NCOA4: variants seen among roughly 807,000 people sequenced by gnomAD.
The protein encoded by NCOA4 is 70 kDa AR-activator.
Under a neutral mutation model 69.5 loss-of-function variants are expected in NCOA4, and 31 were observed. The observed-to-expected ratio is 0.45, with a 90% CI of 0.34 to 0.60. The LOEUF (loss-of-function observed/expected upper bound fraction) is 0.60, where lower values mean the gene tolerates loss of function less well. NCOA4 is among the 20% of genes least tolerant of loss of function. The pLI is 0.02. For missense variants in NCOA4, 600 were observed against 719.2 expected, an observed-to-expected ratio of 0.83 and a Z score of 1.90; for synonymous variants, 228 against 252.4, an observed-to-expected ratio of 0.90 and a Z score of 0.92.
At chr10:46,026,446 C>T (rs1036417553) in intron 1 of NCOA4, among the ~76,000 whole-genome samples, 3 of 152,174 alleles carry the variant, frequency 2.0e-5, no homozygotes, top group Admixed American at 6.5e-5. Flanking sequence ...GAAATTCTAA[C>T]TGAATTTCAA....
At chr10:46,012,093 A>AAAAAAAAAAC (rs1839262027) in intron 7 of NCOA4, among the ~76,000 whole-genome samples, 1 of 148,804 alleles carries the variant, frequency 6.7e-6, no homozygotes, top group Admixed American at 6.7e-5. Context: ...AAAAAAAAAA[A>AAAAAAAAAAC]AAAAAAAAAA....
In NCOA4 at chr10:46,005,322, T is replaced by TA. The variant is rs1287257198; in HGVS notation, c.*1269dup. ...CCTAAATGATATCTGGGGAGGGAATTAAAAAATAATACAAAGCTCTTTTCA... is the reference window on the plus strand; with the variant it reads ...CCTAAATGATATCTGGGGAGGGAATTAAAAAAATAATACAAAGCTCTTTTCA... On this transcript the variant is annotated 3_prime_UTR_variant, in exon 10 of 10. Coordinates refer to ENST00000581486, the MANE Select transcript of NCOA4 (RefSeq NM_001145263.2). 7 of 213,776 alleles carry TA rather than the reference T, an allele frequency of 3.3e-5. No homozygotes were observed. The highest frequency in any genetic ancestry group is 6.6e-5 in the Non-Finnish European group (7 of 105,610). 13.2% of individuals were successfully genotyped at this position (213,776 alleles called of 1,614,324 possible). A position where few individuals can be genotyped will look rare whatever the true frequency, so the allele number is the denominator to read the frequency against.
intron 6 of NCOA4, 79 bp from the exon 7 acceptor site, chr10:46,013,105 G>T: frequency 7.1e-7 from 1 of 1,414,508 alleles, no homozygotes. Context: ...TCTAATCTTG[G>T]CTTGCCACTG....
intron 7 of NCOA4, among the ~76,000 whole-genome samples, chr10:46,012,085 A>AAAAAAAAAAAAAAAAAAC (rs1839257294): frequency 2.2e-5 from 3 of 137,482 alleles, no homozygotes; most frequent in Non-Finnish European, 4.5e-5. Flanking sequence ...AAAAAAAAAA[A>AAAAAAAAAAAAAAAAAAC]AAAAAAAAAA....
At position 46,006,112 on chromosome 10, in the gene NCOA4, T is replaced by C. The variant is rs1838794841; in HGVS notation, c.*480A>G. On this transcript the variant is annotated 3_prime_UTR_variant, in exon 10 of 10. Transcript: ENST00000581486. ...TAATTTTTTTGTGCAAAATACACTA[T>C]GTATTAATAGAACAGGAAAATAATT... 4.6e-6 allele frequency: 1 copy of C among 219,328 alleles called. No homozygotes were observed. Among genetic ancestry groups the C allele is most frequent in the African/African-American group, 2.2e-5 (1 of 44,540 alleles). The allele number at this position is 219,328 out of a possible 1,614,324, so 13.6% of individuals were successfully genotyped here.
Position 46,013,028 on chromosome 10 carries a change from T to G in NCOA4, c.571-2A>C, listed in dbSNP as rs1227756736. The stretch of plus-strand genomic sequence containing the variant: ...AGCTACAATACCGGATGCTGACTTC[T>G]GTTAATCACAAAACAAGGAATGTCA... On this transcript the variant is annotated splice_acceptor_variant, in intron 6 of 9. Transcript: ENST00000581486. LOFTEE classifies it high-confidence loss of function. The G allele has an allele frequency of 6.2e-7, 1 of 1,613,828 alleles. No individual in the cohort carries two copies. Among genetic ancestry groups the G allele is most frequent in the Admixed American group, 1.7e-5 (1 of 60,010 alleles).
intron 1 of NCOA4, chr10:46,027,674 G>A: frequency 3.4e-6 from 2 of 596,642 alleles, no homozygotes; most frequent in South Asian, 2.1e-5. Flanking sequence ...ATACTGGTTG[G>A]GTGGTCTGTT....
chr10:46,007,005 G>A (rs1838866637), intron 9 of NCOA4, among the ~76,000 whole-genome samples: 1 of 152,204 alleles, frequency 6.6e-6, no homozygotes. Flanking sequence ...GGCCACGAGA[G>A]GCTGAAAGCT....
chr10:46,005,245 T>A lies in NCOA4; in HGVS notation c.*1347A>T, dbSNP rs1554919211. The A allele has an allele frequency of 4.7e-6, 1 of 213,248 alleles. No homozygotes were observed. Among genetic ancestry groups the A allele is most frequent in the East Asian group, 7.0e-5 (1 of 14,298 alleles). 13.2% of individuals were successfully genotyped at this position (213,248 alleles called of 1,614,324 possible). On this transcript the variant is annotated 3_prime_UTR_variant, in exon 10 of 10. Transcript: ENST00000581486. ...GAAACTACAGAGCTGCAACTCAAGA[T>A]AACTGGAAAGGCTCCTTACATTGTT...
At chr10:46,011,304 G>A (rs1414688305) in intron 7 of NCOA4, 98 bp from the exon 8 acceptor site, 7 of 1,271,234 alleles carry the variant, frequency 5.5e-6, no homozygotes, top group Non-Finnish European at 7.6e-6. Flanking sequence ...GTCTCACTCT[G>A]TCGCCCAGGC....
intron 9 of NCOA4, among the ~76,000 whole-genome samples, chr10:46,008,218 ATTAT>A (rs1332021210): frequency 6.6e-6 from 1 of 152,246 alleles, no homozygotes; most frequent in African/African-American, 2.4e-5. Flanking sequence ...ACTTTCAAGT[ATTAT>A]TTAAGAAATA....
intron 1 of NCOA4, among the ~76,000 whole-genome samples, chr10:46,028,773 G>A (rs183967870): frequency 6.6e-6 from 1 of 152,180 alleles, no homozygotes; most frequent in Admixed American, 6.5e-5. Flanking sequence ...TGGTGAGCTT[G>A]CCACCTAGAG....
In NCOA4 at chr10:46,005,208, G is replaced by A. The variant is rs1838744263; in HGVS notation, c.*1384C>T. The A allele has an allele frequency of 4.7e-6, 1 of 211,314 alleles. No individual in the cohort carries two copies. Among genetic ancestry groups the A allele is most frequent in the Non-Finnish European group, 9.6e-6 (1 of 103,988 alleles). The allele number at this position is 211,314 out of a possible 1,614,324, so 13.1% of individuals were successfully genotyped here. A position where few individuals can be genotyped will look rare whatever the true frequency, so the allele number is the denominator to read the frequency against. On this transcript the variant is annotated 3_prime_UTR_variant, in exon 10 of 10. Transcript: ENST00000581486. Reference sequence around the variant, plus strand: ...TATTTTGACTTGTAAAATACAGTGTGTTTGGCCTCAAGAAACTACAGAGCT... The same window carrying A: ...TATTTTGACTTGTAAAATACAGTGTATTTGGCCTCAAGAAACTACAGAGCT...
chr10:46,007,778 A>C (rs1284199151), intron 9 of NCOA4, among the ~76,000 whole-genome samples: 2 of 151,858 alleles, frequency 1.3e-5, no homozygotes, highest in Non-Finnish European at 2.9e-5. Flanking sequence ...TTGTACAGAC[A>C]GGGTCTCTGT....
At chr10:46,025,870 T>C (rs1840135272) in intron 1 of NCOA4, among the ~76,000 whole-genome samples, 1 of 152,246 alleles carries the variant, frequency 6.6e-6, no homozygotes, top group Non-Finnish European at 1.5e-5. Flanking sequence ...CCATGTCTTA[T>C]TTATGAATTA....
At chr10:46,012,304 A>G (rs1839281741) in intron 7 of NCOA4, among the ~76,000 whole-genome samples, 1 of 152,174 alleles carries the variant, frequency 6.6e-6, no homozygotes. Context: ...ATATGTATCC[A>G]AAGTCTTAAA....
At chr10:46,023,294 G>T in intron 1 of NCOA4, 1 of 985,538 alleles carries the variant, frequency 1.0e-6, no homozygotes, top group Non-Finnish European at 1.2e-6. Context: ...CCGGCCTCAA[G>T]GGCTCCCGCT....
At chr10:46,026,222 C>CT (rs1485052296) in intron 1 of NCOA4, among the ~76,000 whole-genome samples, 1 of 152,136 alleles carries the variant, frequency 6.6e-6, no homozygotes, top group Non-Finnish European at 1.5e-5. Flanking sequence ...TTACTTTTGG[C>CT]TTTTTTCAAA....
At chr10:46,013,369 G>A (rs782717233) in intron 6 of NCOA4, among the ~76,000 whole-genome samples, 181 bp downstream of exon 6, 21 of 152,034 alleles carry the variant, frequency 1.4e-4, no homozygotes, top group Non-Finnish European at 2.2e-4. Context: ...AATCAGCCCC[G>A]ACAAGACATC....
Sources: gnomAD v4.1 joint callset for allele counts (sites outside exome capture counted in the v4.1 genomes callset) on GRCh38, gnomAD v4.1.1 for gene constraint, MANE v1.5 for transcripts, NCBI Gene and HGNC (gene_info 2026-07-23, HGNC 2026-07-21) for gene names.